Variants in CSMD1 observed in about 807,000 individuals in gnomAD.
CSMD1 encodes CUB and sushi domain-containing protein 1.
A neutral mutation model predicts 417.5 loss-of-function variants in CSMD1; 213 were observed. The ratio of observed to expected loss-of-function variants is 0.51; its 90% CI spans 0.46 to 0.57. The LOEUF (loss-of-function observed/expected upper bound fraction) is 0.57, where lower values mean the gene tolerates loss of function less well. Ranked by LOEUF, CSMD1 falls within the 20% of genes least tolerant of loss-of-function variation. The pLI, the probability that CSMD1 is intolerant of heterozygous loss-of-function variation, is 0.00. For missense variants in CSMD1, 6,923 were observed against 4,529.7 expected (o/e 1.53, Z -15.17); for synonymous variants, 2,862 against 1,736.8 (o/e 1.65, Z -16.11).
chr8:3,999,459 A>C (rs1451278967), intron 4 of CSMD1, among the ~76,000 whole-genome samples: 3 of 152,070 alleles, frequency 2.0e-5, no homozygotes, highest in African/African-American at 7.2e-5. Flanking sequence ...TGTTCGTTTT[A>C]TTTTGGCAGG....
intron 3 of CSMD1, among the ~76,000 whole-genome samples, chr8:4,380,780 T>A (rs1252284856): frequency 6.7e-6 from 1 of 149,384 alleles, no homozygotes; most frequent in Admixed American, 7.0e-5. Flanking sequence ...AAACAAAAAG[T>A]ATATTTAAAA....
At chr8:3,230,550 T>C (rs1055237539) in intron 26 of CSMD1, among the ~76,000 whole-genome samples, 9 of 152,124 alleles carry the variant, frequency 5.9e-5, no homozygotes, top group Admixed American at 1.3e-4. Context: ...TGATTTTCTC[T>C]TCAGCAATAT....
chr8:4,427,678 C>T (rs1797641887), intron 2 of CSMD1, among the ~76,000 whole-genome samples: 2 of 152,006 alleles, frequency 1.3e-5, no homozygotes, highest in African/African-American at 2.4e-5. Flanking sequence ...GAAAATAGTA[C>T]CTATTACATT....
Position 3,514,065 on chromosome 8 carries a change from T to A in CSMD1, c.1345-20339A>T, listed in dbSNP as rs1585284833. On this transcript the variant is annotated intron_variant, in intron 10 of 69. Coordinates refer to ENST00000635120, the MANE Select transcript of CSMD1 (RefSeq NM_033225.6). ...ACAGTTCTCTTAGGAACACCCTGTG[T>A]TCTTTAGTTTTTCAAAGCATCACTC... Among the ~76,000 whole-genome samples, 3 of 152,252 alleles carry A rather than the reference T, an allele frequency of 2.0e-5. No individual in the cohort carries two copies. In the South Asian group the frequency reaches 6.2e-4, roughly 32 times the overall value.
chr8:3,401,565 C>T (rs902809184), intron 15 of CSMD1, among the ~76,000 whole-genome samples: 3 of 152,060 alleles, frequency 2.0e-5, no homozygotes, highest in African/African-American at 4.8e-5. Context: ...TTGTATTAGT[C>T]AGTTTGGATT....
At chr8:4,060,726 G>A (rs186978680) in intron 3 of CSMD1, among the ~76,000 whole-genome samples, 2 of 152,240 alleles carry the variant, frequency 1.3e-5, no homozygotes, top group African/African-American at 2.4e-5. Context: ...TTAATAAGAT[G>A]TGCTCAAAGC....
Position 3,163,712 on chromosome 8 carries a change from G to A in CSMD1, c.5726-1435C>T, listed in dbSNP as rs138473647. On this transcript the variant is annotated intron_variant, in intron 37 of 69. Coordinates refer to ENST00000635120, the MANE Select transcript of CSMD1 (RefSeq NM_033225.6). The stretch of plus-strand genomic sequence containing the variant: ...CGAGACCCAGTGTGACTCACGCAGT[G>A]CCCACTCAGGAAGCAGCTGTGGGTC... 3.0e-3 allele frequency among the ~76,000 whole-genome samples: 450 copies of A among 152,254 alleles called. 4 individuals are homozygous for A. The highest frequency in any genetic ancestry group is 1.0e-2 in the African/African-American group (415 of 41,542).
chr8:3,663,981 T>C (rs1798552562), intron 7 of CSMD1, among the ~76,000 whole-genome samples: 1 of 152,318 alleles, frequency 6.6e-6, no homozygotes, highest in South Asian at 2.1e-4. Flanking sequence ...CTAAATCTTA[T>C]TGTAAATCTT....
At chr8:3,996,838 C>G (rs549478946) in intron 5 of CSMD1, among the ~76,000 whole-genome samples, 7 of 152,312 alleles carry the variant, frequency 4.6e-5, no homozygotes, top group Admixed American at 4.6e-4. Flanking sequence ...AGCATTGAGC[C>G]TTGTGATTTG....
rs1403361923 is a variant in CSMD1, at chr8:4,808,387, G to C, written c.86-170829C>G. ...CACTATCTAGATTATAGACCCTTTT[G>C]CTAAGTTCTGTGAATTCAAAGGAAA... On this transcript the variant is annotated intron_variant, in intron 1 of 69. Transcript: ENST00000635120. Among the ~76,000 whole-genome samples the C allele has an allele frequency of 3.3e-5, 5 of 152,270 alleles. No individual in the cohort carries two copies. In the South Asian group the frequency reaches 6.2e-4, roughly 19 times the overall value.
At chr8:4,231,964 T>A (rs148217727) in intron 3 of CSMD1, among the ~76,000 whole-genome samples, 1 of 152,336 alleles carries the variant, frequency 6.6e-6, no homozygotes, top group African/African-American at 2.4e-5. Flanking sequence ...CTCCTTTCTT[T>A]CTTTTGCAAA....
chr8:4,252,297 A>T (rs769718296), intron 3 of CSMD1, among the ~76,000 whole-genome samples: 1 of 152,088 alleles, frequency 6.6e-6, no homozygotes, highest in Non-Finnish European at 1.5e-5. Context: ...TGTCATGCAC[A>T]CTCCAACATT....
intron 1 of CSMD1, among the ~76,000 whole-genome samples, chr8:4,640,067 A>T (rs1355133867): frequency 2.0e-5 from 3 of 152,372 alleles, no homozygotes; most frequent in Non-Finnish European, 4.4e-5. Context: ...AAAAACGTCA[A>T]CTGGAAAGTA....
chr8:3,089,986 G>A (rs112536239), intron 48 of CSMD1, among the ~76,000 whole-genome samples: 9 of 152,290 alleles, frequency 5.9e-5, no homozygotes, highest in African/African-American at 2.2e-4. Context: ...AGCTGACCAT[G>A]TTTCCACATT....
At chr8:3,340,320 G>A (rs946525898) in intron 23 of CSMD1, among the ~76,000 whole-genome samples, 1 of 152,118 alleles carries the variant, frequency 6.6e-6, no homozygotes, top group Non-Finnish European at 1.5e-5. Context: ...AGGTCCCTAA[G>A]TGTATGCTTT....
chr8:3,948,414 A>G (rs78686726), intron 5 of CSMD1, among the ~76,000 whole-genome samples: 3,183 of 152,254 alleles, frequency 0.021, 49 homozygotes, highest in Middle Eastern at 0.041. Context: ...AACAAGAAAA[A>G]TAGGGGAAAG....
At chr8:3,825,653 C>A (rs1176250601) in intron 5 of CSMD1, among the ~76,000 whole-genome samples, 2 of 152,128 alleles carry the variant, frequency 1.3e-5, no homozygotes, top group Non-Finnish European at 2.9e-5. Context: ...CCAAATGCGA[C>A]TGAGGCCAAG....
At chr8:4,233,126 A>C (rs13272378) in intron 3 of CSMD1, among the ~76,000 whole-genome samples, 1 of 152,054 alleles carries the variant, frequency 6.6e-6, no homozygotes, top group Non-Finnish European at 1.5e-5. Context: ...TCACTTATCC[A>C]CAACGTTCCA....
chr8:4,475,411 T>C (rs1341584553), intron 2 of CSMD1, among the ~76,000 whole-genome samples: 2 of 151,960 alleles, frequency 1.3e-5, no homozygotes, highest in East Asian at 3.9e-4. Context: ...ACTTGTTGAG[T>C]GTTTCTCTTT....
Sources: gnomAD v4.1 joint callset for allele counts (sites outside exome capture counted in the v4.1 genomes callset) on GRCh38, gnomAD v4.1.1 for gene constraint, MANE v1.5 for transcripts, NCBI Gene and HGNC (gene_info 2026-07-23, HGNC 2026-07-21) for gene names.